HSD11B1: variants seen among roughly 807,000 people sequenced by gnomAD.
The protein encoded by HSD11B1 is hydroxysteroid 11-beta dehydrogenase 1, also known as 11-beta-hydroxysteroid dehydrogenase 1.
Under a neutral mutation model 22.1 loss-of-function variants are expected in HSD11B1, and 15 were observed. That is an observed-to-expected ratio of 0.68 (90% CI 0.45 to 1.04). The LOEUF is 1.04. Among genes scored for constraint, HSD11B1 ranks in the 50% least tolerant of loss-of-function variants. HSD11B1 has a pLI of 0.00. For missense variants in HSD11B1, 281 were observed against 357.6 expected, an observed-to-expected ratio of 0.79 and a Z score of 1.73; for synonymous variants, 122 against 125.2, an observed-to-expected ratio of 0.97 and a Z score of 0.17.
intron 4 of HSD11B1, among the ~76,000 whole-genome samples, chr1:209,712,832 C>A (rs867639379): frequency 6.6e-6 from 1 of 152,108 alleles, no homozygotes; most frequent in Non-Finnish European, 1.5e-5. Context: ...AGACGGATCA[C>A]GAGGTCAGGC....
chr1:209,692,922 A>G (rs536779510), intron 1 of HSD11B1, among the ~76,000 whole-genome samples: 2 of 152,204 alleles, frequency 1.3e-5, no homozygotes, highest in African/African-American at 4.8e-5. Flanking sequence ...CAAGGGAATC[A>G]GTTTACATGT....
chr1:209,715,988 G>A (rs1205092309), intron 4 of HSD11B1, among the ~76,000 whole-genome samples: 1 of 152,110 alleles, frequency 6.6e-6, no homozygotes, highest in Admixed American at 6.6e-5. Context: ...ATACTGAATG[G>A]GGAAAAACTG....
intron 4 of HSD11B1, among the ~76,000 whole-genome samples, chr1:209,707,665 T>C (rs375400129): frequency 6.0e-5 from 9 of 150,756 alleles, no homozygotes; most frequent in African/African-American, 2.2e-4. Context: ...AAAGCAGTAG[T>C]TCAGAGTGCC....
At chr1:209,716,420 G>A (rs577734742) in intron 4 of HSD11B1, among the ~76,000 whole-genome samples, 1 of 151,562 alleles carries the variant, frequency 6.6e-6, no homozygotes, top group Admixed American at 6.6e-5. Context: ...TTAAAGAAAT[G>A]GAAAAGGACA....
chr1:209,721,489 C>T (rs1285295063), intron 4 of HSD11B1, among the ~76,000 whole-genome samples: 1 of 115,784 alleles, frequency 8.6e-6, no homozygotes, highest in Non-Finnish European at 1.6e-5. Flanking sequence ...AAAAAAAAAT[C>T]CCCATCCTGG....
At position 209,710,298 on chromosome 1, in the gene HSD11B1, G is replaced by A. The variant is rs536553292; in HGVS notation, c.517+3170G>A. Among the ~76,000 whole-genome samples the A allele has an allele frequency of 6.6e-5, 10 of 152,268 alleles. No individual in the cohort carries two copies. In the South Asian group the frequency reaches 1.9e-3, roughly 28 times the overall value. ...GCTTGGTGAATCCCATCACTGTGGT[G>A]TGTGTCATCAGTTGCACACATGGCA... On this transcript the variant is annotated intron_variant, in intron 4 of 5. Coordinates refer to ENST00000367027, the MANE Select transcript of HSD11B1 (RefSeq NM_005525.4).
At position 209,704,929 on chromosome 1, in the gene HSD11B1, C is replaced by G; in HGVS notation, c.-14C>G. On this transcript the variant is annotated 5_prime_UTR_variant, in exon 1 of 6. Transcript: ENST00000367027. ...GTGTGTCCTACAGGAGTCTTCAGGC[C>G]AGCTCCCTGTCGGATGGCTTTTATG... 6.2e-7 allele frequency: 1 copy of G among 1,608,664 alleles called. No homozygotes were observed. Among genetic ancestry groups the G allele is most frequent in the Non-Finnish European group, 8.5e-7 (1 of 1,175,142 alleles).
rs772977590 is a variant in HSD11B1 at position 209,734,535 on chromosome 1, G to T, written c.*14G>T. 8 of 1,578,760 alleles carry T rather than the reference G, an allele frequency of 5.1e-6. No individual in the cohort carries two copies. Among genetic ancestry groups the T allele is most frequent in the Non-Finnish European group, 7.0e-6 (8 of 1,149,400 alleles). ...ATAAACAAGTAGGAACTCCCTGAGGGCTGGGCATGCTGAGGGATTTTGGGA... is the reference window on the plus strand; with the variant it reads ...ATAAACAAGTAGGAACTCCCTGAGGTCTGGGCATGCTGAGGGATTTTGGGA... On this transcript the variant is annotated 3_prime_UTR_variant, in exon 6 of 6. Transcript: ENST00000367027.
Position 209,706,452 on chromosome 1 carries a change from T to G in HSD11B1, c.220-257T>G, listed in dbSNP as rs2076859433. On this transcript the variant is annotated intron_variant, in intron 2 of 5. Transcript: ENST00000367027. This position sits in a 1 kb window ranked among gnomAD's most constrained non-coding sequence, Gnocchi z 4.0. ...CAGAAATGCCTATTCACAGAAGCCATGAGCATAAATCATGAACTTAAACCC... is the reference window on the plus strand; with the variant it reads ...CAGAAATGCCTATTCACAGAAGCCAGGAGCATAAATCATGAACTTAAACCC... Among the ~76,000 whole-genome samples, 1 of 152,154 alleles carries G rather than the reference T, an allele frequency of 6.6e-6. No homozygotes were observed. The highest frequency in any genetic ancestry group is 1.5e-5 in the Non-Finnish European group (1 of 68,038).
At chr1:209,734,227 T>C in intron 5 of HSD11B1, 77 bp from the exon 6 acceptor site, 1 of 1,123,820 alleles carries the variant, frequency 8.9e-7, no homozygotes, top group Non-Finnish European at 1.3e-6. Flanking sequence ...GACAGCTAAG[T>C]GGTTGATGTC....
intron 1 of HSD11B1, among the ~76,000 whole-genome samples, chr1:209,688,658 T>C (rs1029683745): frequency 5.9e-5 from 9 of 152,326 alleles, no homozygotes; most frequent in African/African-American, 2.2e-4. Context: ...AAGTAGAAGA[T>C]ATCACTACTA....
chr1:209,708,646 T>C (rs1300030523), intron 4 of HSD11B1, among the ~76,000 whole-genome samples: 4 of 152,224 alleles, frequency 2.6e-5, no homozygotes, highest in African/African-American at 9.6e-5. Context: ...TCAGTCATGA[T>C]GTAGGTGGCT....
intron 4 of HSD11B1, among the ~76,000 whole-genome samples, chr1:209,722,547 T>C (rs1311428140): frequency 6.6e-6 from 1 of 152,220 alleles, no homozygotes; most frequent in Non-Finnish European, 1.5e-5. Flanking sequence ...TCAATACTTA[T>C]GATGACACCT....
At position 209,706,459 on chromosome 1, in the gene HSD11B1, A is replaced by G. The variant is rs2076859462; in HGVS notation, c.220-250A>G. On this transcript the variant is annotated intron_variant, in intron 2 of 5. Coordinates refer to ENST00000367027, the MANE Select transcript of HSD11B1 (RefSeq NM_005525.4). This position sits in a 1 kb window ranked among gnomAD's most constrained non-coding sequence, Gnocchi z 4.0. ...GCCTATTCACAGAAGCCATGAGCAT[A>G]AATCATGAACTTAAACCCCAGCACT... Among the ~76,000 whole-genome samples the G allele has an allele frequency of 6.6e-6, 1 of 152,212 alleles. No homozygotes were observed.
At chr1:209,695,062 C>A (rs1393420531) in intron 1 of HSD11B1, among the ~76,000 whole-genome samples, 1 of 152,198 alleles carries the variant, frequency 6.6e-6, no homozygotes, top group African/African-American at 2.4e-5. Flanking sequence ...TGAGTGAGTT[C>A]TCATGAGATG....
Position 209,706,019 on chromosome 1 carries a change from A to G in HSD11B1, c.219+78A>G, listed in dbSNP as rs2076856804. 6.3e-7 allele frequency: 1 copy of G among 1,579,846 alleles called. No individual in the cohort carries two copies. The highest frequency in any genetic ancestry group is 8.7e-7 in the Non-Finnish European group (1 of 1,150,934). On this transcript the variant is annotated intron_variant, in intron 2 of 5. Coordinates refer to ENST00000367027, the MANE Select transcript of HSD11B1 (RefSeq NM_005525.4). This position sits in a 1 kb window ranked among gnomAD's most constrained non-coding sequence, Gnocchi z 4.0. ...CTTATATATGCTCACATATACACAG[A>G]AGCTAGCATATCGCAGATCTATATA...
intron 1 of HSD11B1, among the ~76,000 whole-genome samples, chr1:209,695,482 A>G (rs928725489): frequency 6.6e-6 from 1 of 152,230 alleles, no homozygotes; most frequent in African/African-American, 2.4e-5. Flanking sequence ...GAGTAAAAAT[A>G]ACAGTCATTG....
intron 4 of HSD11B1, among the ~76,000 whole-genome samples, chr1:209,715,533 C>T (rs557633977): frequency 5.3e-5 from 8 of 152,252 alleles, no homozygotes; most frequent in Non-Finnish European, 8.8e-5. Flanking sequence ...AAGTACAGAA[C>T]TGCTCAAAGG....
rs555360149 is a variant in HSD11B1 at position 209,692,212 on chromosome 1, T to G, written c.-49+5927T>G. The stretch of plus-strand genomic sequence containing the variant: ...CTAAAGTTAAAAGTATTTACCTAAT[T>G]ACCCAAAGTAGAAGTTCGGACCGGT... On this transcript the variant is annotated intron_variant, in intron 1 of 6. Transcript: ENST00000261465. 2.0e-5 allele frequency among the ~76,000 whole-genome samples: 3 copies of G among 152,302 alleles called. No homozygotes were observed. In the South Asian group the frequency reaches 6.2e-4, roughly 32 times the overall value.
Sources: allele counts gnomAD v4.1 joint callset (sites outside exome capture counted in the v4.1 genomes callset), GRCh38; gene constraint gnomAD v4.1.1; non-coding constraint Gnocchi (gnomAD v3.1); transcripts MANE v1.5; gene names NCBI Gene and HGNC (gene_info 2026-07-23, HGNC 2026-07-21).